NRXN3: variants seen among roughly 807,000 people sequenced by gnomAD.
The protein encoded by NRXN3 is neurexin III.
In NRXN3, 32 loss-of-function variants were observed where a neutral mutation model predicts 137.6. The observed-to-expected ratio is 0.23, with a 90% CI of 0.18 to 0.31. The LOEUF is 0.31. Among genes scored for constraint, NRXN3 ranks in the 10% least tolerant of loss-of-function variants. The probability of loss-of-function intolerance (pLI) is 1.00; values close to 1 mark genes in which losing one functional copy is unlikely to be tolerated. For missense variants in NRXN3, 1,574 were observed against 2,062.5 expected (o/e 0.76, Z 4.59); for synonymous variants, 798 against 784.5 (o/e 1.02, Z -0.29).
At chr14:79,720,493 G>C (rs1017890479) in intron 19 of NRXN3, among the ~76,000 whole-genome samples, 1 of 152,064 alleles carries the variant, frequency 6.6e-6, no homozygotes, top group African/African-American at 2.4e-5. Context: ...ATGCACAGCA[G>C]AGAGTTTAAG....
chr14:78,560,371 A>G (rs1208338067), intron 4 of NRXN3, among the ~76,000 whole-genome samples: 2 of 152,224 alleles, frequency 1.3e-5, no homozygotes, highest in African/African-American at 4.8e-5. Flanking sequence ...AAATTTCCAG[A>G]ACTACAAACA....
chr14:78,624,710 C>T (rs1183604420), intron 4 of NRXN3, among the ~76,000 whole-genome samples: 1 of 152,186 alleles, frequency 6.6e-6, no homozygotes, highest in African/African-American at 2.4e-5. Context: ...GAAGAGACCT[C>T]GCCTGGGTCT....
At chr14:79,746,519 G>T (rs5014481) in intron 19 of NRXN3, among the ~76,000 whole-genome samples, 51,136 of 151,914 alleles carry the variant, frequency 0.34, 9,037 homozygotes, top group Middle Eastern at 0.43. Context: ...GAGTGGGGCT[G>T]GAAATGGAGC....
chr14:78,243,269 T>A lies in NRXN3; in HGVS notation c.176T>A (p.Val59Asp). The A allele has an allele frequency of 6.4e-7, 1 of 1,561,026 alleles. No individual in the cohort carries two copies. The highest frequency in any genetic ancestry group is 8.6e-7 in the Non-Finnish European group (1 of 1,161,068). Residue 59 changes from valine (V) to aspartate (D), a missense_variant, in exon 2 of 21, where the codon GTC (valine) becomes GAC (aspartate). By Grantham distance (152) the Val-to-Asp change is radical. This residue lies in a region of NRXN3 where 400 missense variants were observed against 527.3 expected (regional missense o/e 0.76). Coordinates refer to ENST00000335750, the MANE Select transcript of NRXN3 (RefSeq NM_001330195.2). The surrounding 1 kb of genome is among the most constrained non-coding windows in gnomAD (Gnocchi z 4.2). ...SDLSFQFKTNVSTGLLLYLDD... is the reference protein window; with the variant it reads ...SDLSFQFKTNDSTGLLLYLDD... ...CTGAGTTTCCAGTTCAAGACCAACGTCTCTACGGGGCTGCTCCTCTACCTG... is the reference window on the plus strand; with the variant it reads ...CTGAGTTTCCAGTTCAAGACCAACGACTCTACGGGGCTGCTCCTCTACCTG...
chr14:79,125,315 GC>G, intron 15 of NRXN3, among the ~76,000 whole-genome samples: 1 of 152,148 alleles, frequency 6.6e-6, no homozygotes, highest in Non-Finnish European at 1.5e-5. Flanking sequence ...TTAGCTGTGA[GC>G]TTTCCTCACT....
chr14:79,212,119 A>G (rs149287002), intron 15 of NRXN3, among the ~76,000 whole-genome samples: 50 of 152,302 alleles, frequency 3.3e-4, no homozygotes, highest in African/African-American at 1.1e-3. Flanking sequence ...TTTGTCTGCT[A>G]CCATTTGGAT....
intron 4 of NRXN3, among the ~76,000 whole-genome samples, chr14:78,530,597 C>G (rs1286547448): frequency 6.6e-6 from 1 of 152,152 alleles, no homozygotes; most frequent in Admixed American, 6.6e-5. Context: ...GGCTCTCTTC[C>G]AGATAACCAA....
intron 19 of NRXN3, among the ~76,000 whole-genome samples, chr14:79,724,415 G>C (rs1466568192): frequency 1.3e-5 from 2 of 152,018 alleles, no homozygotes; most frequent in African/African-American, 4.8e-5. Flanking sequence ...TTTCAAAGAG[G>C]GTGATTTTTC....
At chr14:78,440,506 G>C (rs927091901) in intron 4 of NRXN3, among the ~76,000 whole-genome samples, 6 of 152,052 alleles carry the variant, frequency 3.9e-5, no homozygotes, top group Non-Finnish European at 8.8e-5. Flanking sequence ...GCTTCCTCTT[G>C]GGCACGGAGT....
chr14:78,928,659 CA>C (rs1466089732), intron 10 of NRXN3, among the ~76,000 whole-genome samples: 3 of 152,126 alleles, frequency 2.0e-5, no homozygotes. Context: ...CATAGTATTC[CA>C]TGGTGTTTGT....
intron 1 of NRXN3, among the ~76,000 whole-genome samples, chr14:78,241,198 G>A (rs2067034610): frequency 1.3e-5 from 2 of 152,094 alleles, no homozygotes. Flanking sequence ...CAGTACTTTT[G>A]TTTTTACACA....
intron 19 of NRXN3, among the ~76,000 whole-genome samples, chr14:79,707,390 G>A (rs1036718773): frequency 2.6e-5 from 4 of 152,154 alleles, no homozygotes; most frequent in African/African-American, 7.2e-5. Flanking sequence ...ATTGAAGCAG[G>A]CATCAGGAGA....
At chr14:79,140,670 C>T (rs562893048) in intron 15 of NRXN3, among the ~76,000 whole-genome samples, 11 of 151,230 alleles carry the variant, frequency 7.3e-5, no homozygotes, top group Admixed American at 2.6e-4. Context: ...GCTCAAGTCA[C>T]CTAAATAAAA....
At chr14:79,286,627 A>G (rs1057145504) in intron 15 of NRXN3, among the ~76,000 whole-genome samples, 11 of 150,798 alleles carry the variant, frequency 7.3e-5, no homozygotes, top group African/African-American at 2.2e-4. Flanking sequence ...GAAAGGGTAT[A>G]CCTTTCTTTG....
intron 15 of NRXN3, among the ~76,000 whole-genome samples, chr14:79,238,564 T>A (rs1017167187): frequency 2.6e-5 from 4 of 152,128 alleles, no homozygotes; most frequent in African/African-American, 4.8e-5. Context: ...CACACACATA[T>A]AATATTTATT....
intron 15 of NRXN3, among the ~76,000 whole-genome samples, chr14:79,364,128 C>T (rs1272184078): frequency 6.6e-6 from 1 of 152,224 alleles, no homozygotes; most frequent in Non-Finnish European, 1.5e-5. Context: ...TTTCCTTCAA[C>T]AGTCTTTCAT....
At chr14:78,212,998 C>G (rs527270398) in intron 1 of NRXN3, among the ~76,000 whole-genome samples, 27 of 152,192 alleles carry the variant, frequency 1.8e-4, no homozygotes, top group Non-Finnish European at 3.4e-4. Context: ...TAGAGCATCT[C>G]TAAGGACCTG....
chr14:79,426,112 G>C (rs72690721), intron 15 of NRXN3, among the ~76,000 whole-genome samples: 1 of 152,210 alleles, frequency 6.6e-6, no homozygotes, highest in Non-Finnish European at 1.5e-5. Flanking sequence ...TGGCAGGAGA[G>C]GCATAATTAA....
chr14:78,944,423 G>A (rs2099361309), intron 10 of NRXN3, among the ~76,000 whole-genome samples: 1 of 152,202 alleles, frequency 6.6e-6, no homozygotes, highest in African/African-American at 2.4e-5. Context: ...GGTGGGCTAA[G>A]TATTGTTTCC....
Sources: allele counts gnomAD v4.1 joint callset (sites outside exome capture counted in the v4.1 genomes callset), GRCh38; gene constraint gnomAD v4.1.1; regional missense constraint gnomAD v4.1.1; non-coding constraint Gnocchi (gnomAD v3.1); transcripts MANE v1.5; gene names NCBI Gene and HGNC (gene_info 2026-07-23, HGNC 2026-07-21).